Variants in PCDHA12 observed in about 807,000 individuals in gnomAD.
PCDHA12 encodes the protein protocadherin alpha-12.
PCDHA12 carries 44 observed loss-of-function variants against 60.0 expected under a neutral mutation model. The ratio of observed to expected loss-of-function variants is 0.73; its 90% CI spans 0.58 to 0.94. PCDHA12 has a LOEUF of 0.94. Ranked by LOEUF, PCDHA12 falls within the 40% of genes least tolerant of loss-of-function variation. PCDHA12 has a pLI of 0.00. For missense variants in PCDHA12, 1,276 were observed against 1,239.7 expected (o/e 1.03, Z -0.44); for synonymous variants, 569 against 553.0 (o/e 1.03, Z -0.40).
At chr5:140,878,806 G>A (rs1413152690) in intron 1 of PCDHA12, among the ~76,000 whole-genome samples, 1 of 152,144 alleles carries the variant, frequency 6.6e-6, no homozygotes, top group African/African-American at 2.4e-5. Context: ...AAAAACATAT[G>A]GGGGTCTTGC....
chr5:140,925,172 C>T (rs1176049315), intron 1 of PCDHA12, among the ~76,000 whole-genome samples: 2 of 151,994 alleles, frequency 1.3e-5, no homozygotes, highest in Admixed American at 6.6e-5. Context: ...TGTAATTGAC[C>T]CCAATGTACC....
chr5:140,876,154 A>C lies in PCDHA12; in HGVS notation c.682A>C (p.Ile228Leu). ...ACCAGAACTAACAGGGTCTGTCCAG[A>C]TTCAAATAACCGTCCTGGATGTGAA... Reference protein sequence around the residue: ...GKPELTGSVQIQITVLDVNDN... With the variant: ...GKPELTGSVQLQITVLDVNDN... Residue 228 changes from isoleucine to leucine, a missense_variant, in exon 1 of 4, where the codon ATT (isoleucine) becomes CTT (leucine). By Grantham distance (5) the Ile-to-Leu change is conservative. Coordinates refer to ENST00000398631, the MANE Select transcript of PCDHA12 (RefSeq NM_018903.4). 2 of 1,613,972 alleles carry C rather than the reference A, an allele frequency of 1.2e-6. No homozygotes were observed. The highest frequency in any genetic ancestry group is 1.7e-6 in the Non-Finnish European group (2 of 1,179,902).
intron 1 of PCDHA12, among the ~76,000 whole-genome samples, chr5:140,887,546 T>C (rs1554183101): frequency 1.3e-5 from 2 of 152,114 alleles, no homozygotes; most frequent in Non-Finnish European, 2.9e-5. Flanking sequence ...CCACCCCTCA[T>C]GGTTACTGTT....
At chr5:140,992,457 A>G (rs2097512834) in intron 3 of PCDHA12, among the ~76,000 whole-genome samples, 1 of 152,136 alleles carries the variant, frequency 6.6e-6, no homozygotes, top group Non-Finnish European at 1.5e-5. Context: ...GCAGCAGAGG[A>G]CAGTACTCTT....
Position 140,931,003 on chromosome 5 carries a change from A to G in PCDHA12, c.2368-47946A>G, listed in dbSNP as rs2087240942. On this transcript the variant is annotated intron_variant, in intron 1 of 3. Coordinates refer to ENST00000398631, the MANE Select transcript of PCDHA12 (RefSeq NM_018903.4). The stretch of plus-strand genomic sequence containing the variant: ...CTTCCTCATGACCTACACTAATAAC[A>G]TAACAGAGGAATTTTCTGATTGTAG... Among the ~76,000 whole-genome samples the G allele has an allele frequency of 2.0e-5, 3 of 152,232 alleles. No homozygotes were observed. The South Asian group carries it at 6.2e-4, about 32-fold the overall frequency.
intron 1 of PCDHA12, among the ~76,000 whole-genome samples, chr5:140,956,241 T>G (rs1396335938): frequency 1.3e-5 from 2 of 152,204 alleles, no homozygotes; most frequent in African/African-American, 4.8e-5. Context: ...TCAAGGGGAA[T>G]GCTTCCAGGT....
chr5:140,984,359 T>A (rs1372089743), intron 3 of PCDHA12, among the ~76,000 whole-genome samples: 1 of 152,242 alleles, frequency 6.6e-6, no homozygotes, highest in Non-Finnish European at 1.5e-5. Flanking sequence ...ATTTCATACA[T>A]CTGGCCAAGT....
chr5:140,886,753 G>A (rs1434667485), intron 1 of PCDHA12, among the ~76,000 whole-genome samples: 3 of 151,010 alleles, frequency 2.0e-5, no homozygotes, highest in African/African-American at 7.3e-5. Flanking sequence ...TTGAACCCGG[G>A]AGGTGGAGGT....
chr5:140,909,210 G>A (rs2074375008), intron 1 of PCDHA12, among the ~76,000 whole-genome samples: 1 of 152,186 alleles, frequency 6.6e-6, no homozygotes, highest in Non-Finnish European at 1.5e-5. Context: ...CCGGAGAGTT[G>A]ATATACCCCT....
At chr5:141,000,361 GTCTCTCTCTCTCTCTCTC>G (rs148596731) in intron 3 of PCDHA12, among the ~76,000 whole-genome samples, 25 of 26,446 alleles carry the variant, frequency 9.5e-4, no homozygotes, top group African/African-American at 4.9e-3. Context: ...GTCTCTCTCT[GTCTCTCTCTCTCTCTCTC>G]TCTCTCTCTC....
intron 2 of PCDHA12, among the ~76,000 whole-genome samples, chr5:140,982,129 A>G (rs2153827592): frequency 6.6e-6 from 1 of 152,376 alleles, no homozygotes; most frequent in East Asian, 1.9e-4. Context: ...TTTGAGAACA[A>G]GCCCTCCTCA....
chr5:140,938,443 A>C (rs1324427427), intron 1 of PCDHA12, among the ~76,000 whole-genome samples: 1 of 152,180 alleles, frequency 6.6e-6, no homozygotes, highest in African/African-American at 2.4e-5. Context: ...AGATTTATTA[A>C]GTTCCCTTTG....
chr5:141,007,325 C>T (rs1303133451), intron 3 of PCDHA12, among the ~76,000 whole-genome samples: 1 of 145,322 alleles, frequency 6.9e-6, no homozygotes, highest in Non-Finnish European at 1.5e-5. Flanking sequence ...CTAAAGTGGA[C>T]AGATTGCCTG....
chr5:140,960,438 T>C (rs1403944664), intron 1 of PCDHA12, among the ~76,000 whole-genome samples: 4 of 152,180 alleles, frequency 2.6e-5, no homozygotes, highest in African/African-American at 9.7e-5. Context: ...ATACTCTAGA[T>C]ATATGTATGG....
intron 1 of PCDHA12, chr5:140,883,882 C>T (rs200536915): frequency 6.8e-6 from 11 of 1,613,068 alleles, no homozygotes; most frequent in Middle Eastern, 1.7e-4. Flanking sequence ...TGAGCGCGCG[C>T]GACTCTGGCG....
chr5:140,928,161 C>T (rs155820), intron 1 of PCDHA12: 1 of 1,613,960 alleles, frequency 6.2e-7, no homozygotes, highest in South Asian at 1.1e-5. Context: ...GTGGCTCACC[C>T]CCACTTAGCA....
chr5:140,926,880 G>A lies in PCDHA12; in HGVS notation c.2367+49041G>A. 4 of 1,534,946 alleles carry A rather than the reference G, an allele frequency of 2.6e-6. No homozygotes were observed. The South Asian group carries it at 3.8e-5, about 15-fold the overall frequency. On this transcript the variant is annotated intron_variant, in intron 1 of 3. Transcript: ENST00000398631. ...TGTAGCGTGTTGGTGGAACGTGGAC[G>A]CCTAGAGGGAGGATGGTGGGCTGTG...
intron 1 of PCDHA12, among the ~76,000 whole-genome samples, chr5:140,907,806 A>G (rs1046843294): frequency 2.6e-5 from 4 of 152,192 alleles, no homozygotes; most frequent in Non-Finnish European, 5.9e-5. Flanking sequence ...AGTGGTGTCC[A>G]CAGAACGAGT....
chr5:140,919,505 CTA>C (rs2079156587), intron 1 of PCDHA12, among the ~76,000 whole-genome samples: 3 of 152,008 alleles, frequency 2.0e-5, no homozygotes, highest in Admixed American at 6.6e-5. Context: ...ACTCCTTTTT[CTA>C]TATGTTTTAA....
Sources: gnomAD v4.1 joint callset for allele counts (sites outside exome capture counted in the v4.1 genomes callset) on GRCh38, gnomAD v4.1.1 for gene constraint, MANE v1.5 for transcripts, NCBI Gene and HGNC (gene_info 2026-07-23, HGNC 2026-07-21) for gene names.